The following NINL variants were observed in gnomAD, a reference collection of about 807,000 sequenced individuals.
NINL encodes the protein ninein-like protein.
Under a neutral mutation model 160.3 loss-of-function variants are expected in NINL, and 153 were observed. The ratio of observed to expected loss-of-function variants is 0.95; its 90% confidence interval spans 0.84 to 1.09. NINL has a LOEUF of 1.09. Among genes scored for constraint, NINL ranks in the 50% least tolerant of loss-of-function variants. NINL has a pLI of 0.00. For missense variants in NINL, 1,829 were observed against 1,764.0 expected, an observed-to-expected ratio of 1.04 and a Z score of -0.66; for synonymous variants, 800 against 734.8, an observed-to-expected ratio of 1.09 and a Z score of -1.43.
intron 3 of NINL, among the ~76,000 whole-genome samples, chr20:25,516,386 AG>A (rs2064160526): frequency 6.6e-6 from 1 of 152,226 alleles, no homozygotes; most frequent in South Asian, 2.1e-4. Flanking sequence ...AAAAAGAAAA[AG>A]AAAGAAAAAA....
chr20:25,469,257 C>T (rs1345620101), intron 18 of NINL, among the ~76,000 whole-genome samples: 1 of 124,760 alleles, frequency 8.0e-6, no homozygotes, highest in East Asian at 3.1e-4. Flanking sequence ...TTGGTGGGCA[C>T]CCCCCTACCC....
At chr20:25,509,580 C>T (rs924097391) in intron 5 of NINL, 1 of 446,662 alleles carries the variant, frequency 2.2e-6, no homozygotes, top group African/African-American at 2.0e-5. Context: ...GCCAAGCCTG[C>T]TGCAAGGGTT....
intron 1 of NINL, among the ~76,000 whole-genome samples, chr20:25,565,691 T>G (rs1370213900): frequency 6.6e-6 from 1 of 152,148 alleles, no homozygotes; most frequent in African/African-American, 2.4e-5. Context: ...GGCATTATGT[T>G]TGGGTGAGTC....
At chr20:25,525,388 A>T (rs1251973836) in intron 2 of NINL, among the ~76,000 whole-genome samples, 1 of 152,222 alleles carries the variant, frequency 6.6e-6, no homozygotes, top group Non-Finnish European at 1.5e-5. Flanking sequence ...GCAGTGGCTC[A>T]TACTTGTAAT....
chr20:25,512,833 C>T lies in NINL; in HGVS notation c.450+1G>A, dbSNP rs761437189. ...TGGGGTGGGAGAGGGGCCTGACCCA[C>T]CTCCACGCTCTCCAGAGACGCTGAG... On this transcript the variant is annotated splice_donor_variant, in intron 4 of 23. Coordinates refer to ENST00000278886, the MANE Select transcript of NINL (RefSeq NM_025176.6). LOFTEE classifies it high-confidence loss of function. The T allele has an allele frequency of 6.2e-7, 1 of 1,609,734 alleles. No homozygotes were observed. Among genetic ancestry groups the T allele is most frequent in the South Asian group, 1.1e-5 (1 of 90,628 alleles).
intron 22 of NINL, among the ~76,000 whole-genome samples, chr20:25,458,033 C>A (rs1156903468): frequency 6.6e-6 from 1 of 152,202 alleles, no homozygotes; most frequent in Non-Finnish European, 1.5e-5. Context: ...ACCTGCCGGG[C>A]CCAATCTGTC....
chr20:25,547,803 C>T (rs1194311608), intron 1 of NINL, among the ~76,000 whole-genome samples: 1 of 152,202 alleles, frequency 6.6e-6, no homozygotes, highest in Non-Finnish European at 1.5e-5. Flanking sequence ...CCACAGCAGA[C>T]TGGCACTCTG....
At chr20:25,571,893 A>G (rs1170902441) in intron 1 of NINL, among the ~76,000 whole-genome samples, 9 of 111,070 alleles carry the variant, frequency 8.1e-5, no homozygotes, top group Non-Finnish European at 1.6e-4. Context: ...AAAAAAAAAA[A>G]GGTTGCTTTA....
At chr20:25,504,214 C>T in intron 6 of NINL, 110 bp from the exon 7 acceptor site, 8 of 1,169,460 alleles carry the variant, frequency 6.8e-6, no homozygotes, top group Middle Eastern at 3.0e-4. Context: ...CAACAAGGGC[C>T]GTTTCCTAGT....
At chr20:25,584,427 T>C (rs1011810863) in intron 1 of NINL, among the ~76,000 whole-genome samples, 18 of 152,206 alleles carry the variant, frequency 1.2e-4, no homozygotes, top group African/African-American at 4.1e-4. Context: ...GCCATTGCAC[T>C]CCAGCCTGGG....
At chr20:25,489,067 G>C in intron 13 of NINL, 177 bp downstream of exon 13, 2 of 637,498 alleles carry the variant, frequency 3.1e-6, no homozygotes, top group Non-Finnish European at 5.7e-6. Context: ...CTTCAGGATA[G>C]GTGGCAACGA....
In NINL at chr20:25,479,050, C is replaced by A; in HGVS notation, c.2074G>T (p.Gly692Cys). 1 of 1,611,976 alleles carries A rather than the reference C, an allele frequency of 6.2e-7. No homozygotes were observed. The highest frequency in any genetic ancestry group is 8.5e-7 in the Non-Finnish European group (1 of 1,180,016). The change falls in exon 16 of 24, where the codon GGC becomes TGC. Residue 692 changes from glycine (G) to cysteine (C), a missense_variant. By Grantham distance (159) the Gly-to-Cys change is radical. Coordinates refer to ENST00000278886, the MANE Select transcript of NINL (RefSeq NM_025176.6). ...LHEKSQEVIWGLQEQLQDTAR... is the reference protein window; with the variant it reads ...LHEKSQEVIWCLQEQLQDTAR... ...GTGTCCTGCAGCTGCTCCTGCAGGC[C>A]CCAGATGACCTCCTGAGACTTCTCG...
chr20:25,539,552 C>T (rs1320762895), intron 1 of NINL, among the ~76,000 whole-genome samples: 3 of 152,210 alleles, frequency 2.0e-5, no homozygotes, highest in Non-Finnish European at 4.4e-5. Flanking sequence ...GTAATACTGC[C>T]ACCAAGGACA....
chr20:25,459,625 T>C (rs527782555), intron 21 of NINL, among the ~76,000 whole-genome samples: 76 of 152,164 alleles, frequency 5.0e-4, no homozygotes, highest in Non-Finnish European at 4.4e-5. Flanking sequence ...CCAGGAAGGC[T>C]CTGGCCCGGC....
At chr20:25,550,654 C>T (rs1796764481) in intron 1 of NINL, among the ~76,000 whole-genome samples, 1 of 152,054 alleles carries the variant, frequency 6.6e-6, no homozygotes, top group Admixed American at 6.6e-5. Context: ...AGGTGCTGTG[C>T]CTGGATGTGC....
At chr20:25,465,027 A>G (rs2062878779) in intron 19 of NINL, among the ~76,000 whole-genome samples, 1 of 152,358 alleles carries the variant, frequency 6.6e-6, no homozygotes, top group East Asian at 1.9e-4. Context: ...TGCAGAAGCC[A>G]ACATGAGATG....
intron 14 of NINL, among the ~76,000 whole-genome samples, chr20:25,480,622 G>A (rs752754987): frequency 2.0e-5 from 3 of 152,180 alleles, no homozygotes; most frequent in African/African-American, 2.4e-5. Flanking sequence ...GCAGATGCCC[G>A]GTGGTGCAGA....
intron 5 of NINL, among the ~76,000 whole-genome samples, chr20:25,507,226 A>C (rs1396781774): frequency 6.7e-6 from 1 of 148,664 alleles, no homozygotes; most frequent in Non-Finnish European, 1.5e-5. Context: ...GTTAGCATCA[A>C]AGTCTAGTTT....
At chr20:25,499,608 G>A (rs879542912) in intron 8 of NINL, among the ~76,000 whole-genome samples, 5 of 152,046 alleles carry the variant, frequency 3.3e-5, no homozygotes, top group Non-Finnish European at 5.9e-5. Context: ...CAGGACAATT[G>A]TGAGGCCAGC....
Sources: gnomAD v4.1 joint callset for allele counts (sites outside exome capture counted in the v4.1 genomes callset) on GRCh38, gnomAD v4.1.1 for gene constraint, MANE v1.5 for transcripts, NCBI Gene and HGNC (gene_info 2026-07-23, HGNC 2026-07-21) for gene names.